The following SYNDIG1 variants were observed in gnomAD, a reference collection of about 807,000 sequenced individuals.
SYNDIG1 encodes synapse differentiation inducing 1.
In SYNDIG1, 9 loss-of-function variants were observed where a neutral mutation model predicts 19.4. That is an observed-to-expected ratio of 0.46 (90% CI 0.28 to 0.81). SYNDIG1 has a LOEUF of 0.81. SYNDIG1 is among the 30% of genes least tolerant of loss of function. SYNDIG1 has a pLI of 0.12. For missense variants in SYNDIG1, 311 were observed against 343.3 expected, an observed-to-expected ratio of 0.91 and a Z score of 0.74; for synonymous variants, 141 against 145.9, an observed-to-expected ratio of 0.97 and a Z score of 0.24.
chr20:24,643,408 G>A lies in SYNDIG1; in HGVS notation c.619-21938G>A, dbSNP rs1009474814. Among the ~76,000 whole-genome samples, 7 of 150,702 alleles carry A rather than the reference G, an allele frequency of 4.6e-5. 1 individual carries two copies. The highest frequency in any genetic ancestry group is 1.3e-4 in the Admixed American group (2 of 15,136). On this transcript the variant is annotated intron_variant, in intron 3 of 3. Coordinates refer to ENST00000376862, the MANE Select transcript of SYNDIG1 (RefSeq NM_024893.3). The stretch of plus-strand genomic sequence containing the variant: ...CAGTAACTTTATCAGCTAGAGTGCC[G>A]TGTTCATGAGAAGTAACTTTATCAG...
chr20:24,518,406 T>C (rs947235122), intron 1 of SYNDIG1, among the ~76,000 whole-genome samples: 1 of 152,084 alleles, frequency 6.6e-6, no homozygotes, highest in Non-Finnish European at 1.5e-5. Context: ...AGAAAGGGCA[T>C]GGCTCAGAAG....
At chr20:24,568,197 G>C (rs2146925751) in intron 2 of SYNDIG1, among the ~76,000 whole-genome samples, 1 of 152,292 alleles carries the variant, frequency 6.6e-6, no homozygotes, top group South Asian at 2.1e-4. Context: ...AGTTTTGTGG[G>C]AGAAGTAGGG....
chr20:24,520,733 A>G (rs906854965), intron 1 of SYNDIG1, among the ~76,000 whole-genome samples: 6 of 152,022 alleles, frequency 3.9e-5, no homozygotes, highest in African/African-American at 1.2e-4. Flanking sequence ...AAGGTACTAT[A>G]CTTGTGTATA....
At chr20:24,590,419 G>C (rs922804688) in intron 3 of SYNDIG1, among the ~76,000 whole-genome samples, 1 of 152,124 alleles carries the variant, frequency 6.6e-6, no homozygotes, top group Non-Finnish European at 1.5e-5. Context: ...AAGCCTCGGG[G>C]GTTTGAGCGG....
intron 3 of SYNDIG1, among the ~76,000 whole-genome samples, chr20:24,632,677 AGAT>A (rs1238318979): frequency 1.3e-5 from 2 of 152,250 alleles, no homozygotes; most frequent in Non-Finnish European, 2.9e-5. Context: ...CCAGGTAACA[AGAT>A]GATAACGTGG....
At chr20:24,476,085 T>G (rs962406422) in intron 1 of SYNDIG1, among the ~76,000 whole-genome samples, 2 of 151,616 alleles carry the variant, frequency 1.3e-5, no homozygotes, top group African/African-American at 4.8e-5. Flanking sequence ...GGTCTTGAAC[T>G]CCTGACCTTA....
At position 24,543,262 on chromosome 20, in the gene SYNDIG1, C is replaced by T. The variant is rs766429926; in HGVS notation, c.165C>T (p.Ala55=). The T allele has an allele frequency of 6.2e-7, 1 of 1,613,706 alleles. No individual in the cohort carries two copies. The highest frequency in any genetic ancestry group is 1.7e-5 in the Admixed American group (1 of 60,028). Residue 55 remains alanine (A), a synonymous_variant, in exon 2 of 4, where the codon GCC becomes GCT. Transcript: ENST00000376862. Reference sequence around the variant, plus strand: ...AGTACCAGAGCCACCGGGTGGGGGCCAGCACAGTGCCGGCCAGCCTGGACA... The same window carrying T: ...AGTACCAGAGCCACCGGGTGGGGGCTAGCACAGTGCCGGCCAGCCTGGACA... The part of the protein sequence containing the change: ...APQYQSHRVG[A]STVPASLDSS...
intron 1 of SYNDIG1, among the ~76,000 whole-genome samples, chr20:24,501,628 C>G (rs927048004): frequency 6.6e-6 from 1 of 152,226 alleles, no homozygotes; most frequent in Non-Finnish European, 1.5e-5. Context: ...CTTTGCCTCT[C>G]TGTACCTCTG....
At position 24,475,757 on chromosome 20, in the gene SYNDIG1, G is replaced by A. The variant is rs886387917; in HGVS notation, c.-79+6004G>A. Among the ~76,000 whole-genome samples the A allele has an allele frequency of 5.3e-5, 8 of 152,256 alleles. No individual in the cohort carries two copies. In the South Asian group the frequency reaches 8.3e-4, roughly 16 times the overall value. Reference sequence around the variant, plus strand: ...TTTCAGACATCTCTTGCCTGTGTACGATTCTGGCTTTACTTTTCTCTCCCA... The same window carrying A: ...TTTCAGACATCTCTTGCCTGTGTACAATTCTGGCTTTACTTTTCTCTCCCA... On this transcript the variant is annotated intron_variant, in intron 1 of 3. Transcript: ENST00000376862.
intron 1 of SYNDIG1, 34 bp downstream of exon 1, chr20:24,469,787 G>T (rs1031247697): frequency 2.0e-5 from 3 of 151,902 alleles, no homozygotes; most frequent in Admixed American, 1.3e-4. Context: ...GGGGGCGGGC[G>T]GAGGGGCCCG....
intron 2 of SYNDIG1, among the ~76,000 whole-genome samples, chr20:24,576,171 C>T (rs2058224845): frequency 6.6e-6 from 1 of 152,198 alleles, no homozygotes; most frequent in African/African-American, 2.4e-5. Context: ...TTTTCAGGGG[C>T]ACAAAGGTAC....
At chr20:24,620,652 G>C (rs139154051) in intron 3 of SYNDIG1, among the ~76,000 whole-genome samples, 368 of 152,334 alleles carry the variant, frequency 2.4e-3, no homozygotes, top group African/African-American at 8.6e-3. Context: ...AGGAGACATA[G>C]ATGTCAAGGC....
chr20:24,571,607 T>C (rs991423128), intron 2 of SYNDIG1, among the ~76,000 whole-genome samples: 3 of 152,194 alleles, frequency 2.0e-5, no homozygotes, highest in Non-Finnish European at 4.4e-5. Context: ...GTCTTCAAAC[T>C]GTAACTAAAA....
At chr20:24,614,353 A>G (rs2147192403) in intron 3 of SYNDIG1, among the ~76,000 whole-genome samples, 1 of 152,282 alleles carries the variant, frequency 6.6e-6, no homozygotes, top group East Asian at 1.9e-4. Flanking sequence ...TATTCATGTA[A>G]TTTGTGGCTT....
intron 3 of SYNDIG1, among the ~76,000 whole-genome samples, chr20:24,640,500 AG>A (rs1358758667): frequency 1.4e-5 from 2 of 142,430 alleles, no homozygotes; most frequent in Non-Finnish European, 3.2e-5. Flanking sequence ...GAAGGAAGGA[AG>A]GAAGGAAGGA....
chr20:24,588,173 T>C (rs1195275086), intron 3 of SYNDIG1, among the ~76,000 whole-genome samples: 1 of 152,004 alleles, frequency 6.6e-6, no homozygotes, highest in African/African-American at 2.4e-5. Flanking sequence ...TAGCTGAGGG[T>C]TAGAGATGAA....
intron 2 of SYNDIG1, among the ~76,000 whole-genome samples, chr20:24,573,988 C>A (rs2058186399): frequency 6.6e-6 from 1 of 152,200 alleles, no homozygotes; most frequent in Non-Finnish European, 1.5e-5. Context: ...TCTCTGCCCC[C>A]AGGAGACCAG....
chr20:24,614,104 C>G (rs942370922), intron 3 of SYNDIG1, among the ~76,000 whole-genome samples: 1 of 152,232 alleles, frequency 6.6e-6, no homozygotes, highest in African/African-American at 2.4e-5. Context: ...AATTGATCCT[C>G]CTGCCTCAGC....
At chr20:24,497,816 G>A (rs1243874363) in intron 1 of SYNDIG1, among the ~76,000 whole-genome samples, 4 of 152,202 alleles carry the variant, frequency 2.6e-5, no homozygotes, top group African/African-American at 7.2e-5. Flanking sequence ...GCCCCAGAGT[G>A]TATTTGAAGA....
Sources: allele counts gnomAD v4.1 joint callset (sites outside exome capture counted in the v4.1 genomes callset), GRCh38; gene constraint gnomAD v4.1.1; transcripts MANE v1.5; gene names NCBI Gene and HGNC (gene_info 2026-07-23, HGNC 2026-07-21).